Variants in PUDP observed in about 807,000 individuals in gnomAD.
PUDP encodes pseudouridine 5'-phosphatase.
PUDP carries 8 observed loss-of-function variants against 9.4 expected under a neutral mutation model. The ratio of observed to expected loss-of-function variants is 0.85; its 90% CI spans 0.50 to 1.53. The LOEUF (loss-of-function observed/expected upper bound fraction) is 1.53. Ranked by LOEUF, PUDP falls within the 40% of genes most tolerant of loss-of-function variation. The pLI, the probability that PUDP is intolerant of heterozygous loss-of-function variation, is 0.00. For synonymous variants in PUDP, 99 were observed against 80.7 expected (o/e 1.23, Z -1.22); for missense variants, 188 against 189.7 (o/e 0.99, Z 0.05).
intron 1 of PUDP, among the ~76,000 whole-genome samples, chrX:6,993,844 C>T (rs1418697243): frequency 1.8e-5 from 2 of 111,923 alleles, no homozygotes; most frequent in African/African-American, 6.5e-5. Flanking sequence ...GCTCACCCCA[C>T]ATGTGCTAGA....
intron 3 of PUDP, among the ~76,000 whole-genome samples, chrX:6,899,721 G>A (rs1284490539): frequency 9.1e-6 from 1 of 109,396 alleles, no homozygotes; most frequent in African/African-American, 3.3e-5. Flanking sequence ...AAGATGAACT[G>A]TAACCATGTA....
chrX:7,087,418 A>G (rs1172232335), intron 2 of PUDP, among the ~76,000 whole-genome samples: 1 of 111,373 alleles, frequency 9.0e-6, no homozygotes, highest in East Asian at 2.8e-4. Context: ...TTGACTTCGG[A>G]CTTCTAGCCT....
At chrX:6,816,335 CGTAT>C (rs1253285898) in intron 3 of PUDP, among the ~76,000 whole-genome samples, 4 of 103,000 alleles carry the variant, frequency 3.9e-5, no homozygotes, top group Admixed American at 1.1e-4. Context: ...CTATGTGACA[CGTAT>C]GTATTTTTAT....
intron 3 of PUDP, among the ~76,000 whole-genome samples, chrX:6,873,166 G>A (rs1045687931): frequency 1.8e-5 from 2 of 111,236 alleles, no homozygotes; most frequent in Non-Finnish European, 3.8e-5. Context: ...TTTTAACTTA[G>A]GGGCTCTTGG....
intron 3 of PUDP, among the ~76,000 whole-genome samples, chrX:6,728,356 A>T (rs940673814): frequency 1.5e-4 from 17 of 111,353 alleles, no homozygotes; most frequent in African/African-American, 5.6e-4. Context: ...AACATAACAC[A>T]CACACACATA....
chrX:6,743,519 T>G, intron 3 of PUDP, among the ~76,000 whole-genome samples: 1 of 112,410 alleles, frequency 8.9e-6, no homozygotes, highest in Non-Finnish European at 1.9e-5. Context: ...TTCCATTGCT[T>G]TTGTGTTTCA....
At chrX:7,041,299 C>A (rs1929918544) in intron 1 of PUDP, among the ~76,000 whole-genome samples, 1 of 111,446 alleles carries the variant, frequency 9.0e-6, no homozygotes, top group Admixed American at 9.6e-5. Flanking sequence ...ACAAACATCT[C>A]TTCTGCTGAG....
chrX:7,030,669 G>T (rs1227070897), intron 1 of PUDP, among the ~76,000 whole-genome samples: 1 of 111,369 alleles, frequency 9.0e-6, no homozygotes, highest in Non-Finnish European at 1.9e-5. Context: ...GACTCATTTA[G>T]TCCCTCTGTA....
At chrX:7,052,510 C>T (rs1930131671) in intron 3 of PUDP, among the ~76,000 whole-genome samples, 1 of 112,234 alleles carries the variant, frequency 8.9e-6, no homozygotes, top group Non-Finnish European at 1.9e-5. Context: ...CACACACAGT[C>T]TTAACTACTA....
intron 1 of PUDP, among the ~76,000 whole-genome samples, chrX:7,137,163 C>A (rs1932757576): frequency 9.3e-6 from 1 of 107,129 alleles, no homozygotes; most frequent in African/African-American, 3.4e-5. Context: ...ATTGCTTGAA[C>A]CCGGGAGGTG....
chrX:6,711,063 G>T (rs1277939480), intron 1 of PUDP, among the ~76,000 whole-genome samples: 2 of 112,002 alleles, frequency 1.8e-5, no homozygotes, highest in Non-Finnish European at 3.8e-5. Context: ...AGGGACAAGA[G>T]AAAACATCCC....
chrX:7,146,629 G>C (rs745726599), intron 1 of PUDP, among the ~76,000 whole-genome samples: 14 of 110,652 alleles, frequency 1.3e-4, no homozygotes, highest in African/African-American at 4.6e-4. Context: ...AAAATGAAGA[G>C]AATGGTTTCT....
chrX:7,140,454 C>T (rs1356532004), intron 1 of PUDP, among the ~76,000 whole-genome samples: 1 of 111,204 alleles, frequency 9.0e-6, no homozygotes, highest in Non-Finnish European at 1.9e-5. Flanking sequence ...ATAAGGAGTG[C>T]TTTCAGGGGA....
chrX:6,803,932 A>C (rs765859081), intron 3 of PUDP, among the ~76,000 whole-genome samples: 2 of 110,920 alleles, frequency 1.8e-5, no homozygotes, highest in East Asian at 5.7e-4. Flanking sequence ...TTTTATTCCT[A>C]GGCCAACATA....
intron 1 of PUDP, among the ~76,000 whole-genome samples, chrX:6,992,136 C>T (rs1353564798): frequency 3.6e-5 from 4 of 110,597 alleles, no homozygotes; most frequent in African/African-American, 9.9e-5. Flanking sequence ...AGCTTGAAAG[C>T]GATGCTATAA....
rs1215836404 is a variant in PUDP at position 7,114,975 on chromosome X, G to C, written c.62-9137C>G. Among the ~76,000 whole-genome samples the C allele has an allele frequency of 2.7e-4, 30 of 112,137 alleles. No individual in the cohort carries two copies. In the Admixed American group the frequency reaches 2.8e-3, roughly 11 times the overall value. On this transcript the variant is annotated intron_variant, in intron 1 of 3. Coordinates refer to ENST00000381077, the MANE Select transcript of PUDP (RefSeq NM_012080.5). ...ATGTTAATGTGTTTGTAATGAAAGA[G>C]AGATTTAAAAATAAGGACCCTTAAA... is the stretch of plus-strand genomic sequence containing the variant.
intron 1 of PUDP, among the ~76,000 whole-genome samples, chrX:7,144,964 T>G (rs1932833228): frequency 9.0e-6 from 1 of 111,133 alleles, no homozygotes; most frequent in Non-Finnish European, 1.9e-5. Context: ...ACCCTCTGCC[T>G]GACCCTCCCA....
chrX:6,925,300 C>T (rs1928084689), intron 3 of PUDP, among the ~76,000 whole-genome samples: 1 of 111,739 alleles, frequency 8.9e-6, no homozygotes, highest in African/African-American at 3.3e-5. Context: ...CTGCCATAAG[C>T]CAGGGATAAC....
chrX:7,092,295 C>T (rs1456898832), intron 2 of PUDP, among the ~76,000 whole-genome samples: 1 of 113,013 alleles, frequency 8.8e-6, no homozygotes, highest in Admixed American at 9.3e-5. Context: ...TTTTAAATAA[C>T]TCACATCAAA....
Sources: allele counts gnomAD v4.1 joint callset (sites outside exome capture counted in the v4.1 genomes callset), GRCh38; gene constraint gnomAD v4.1.1; transcripts MANE v1.5; gene names NCBI Gene and HGNC (gene_info 2026-07-23, HGNC 2026-07-21).